SPIDR: variants seen among roughly 807,000 people sequenced by gnomAD.
The protein encoded by SPIDR is scaffold protein involved in DNA repair.
In SPIDR, 93 loss-of-function variants were observed where a neutral mutation model predicts 104.6. The observed-to-expected ratio is 0.89, with a 90% CI of 0.75 to 1.06. SPIDR has a LOEUF of 1.06. Ranked by LOEUF, SPIDR falls within the 50% of genes least tolerant of loss-of-function variation. SPIDR has a pLI of 0.00. For missense variants in SPIDR, 1,154 were observed against 1,111.2 expected (o/e 1.04, Z -0.55); for synonymous variants, 431 against 416.9 (o/e 1.03, Z -0.41).
chr8:47,691,593 T>G (rs1362095781), intron 11 of SPIDR, among the ~76,000 whole-genome samples: 1 of 152,238 alleles, frequency 6.6e-6, no homozygotes, highest in Admixed American at 6.5e-5. Flanking sequence ...AGTATGAAAT[T>G]CACATGGCCA....
At chr8:47,404,904 G>A (rs1192899141) in intron 6 of SPIDR, among the ~76,000 whole-genome samples, 3 of 152,132 alleles carry the variant, frequency 2.0e-5, no homozygotes, top group Admixed American at 1.3e-4. Context: ...ACATTGACAC[G>A]TATGTTTATT....
intron 19 of SPIDR, among the ~76,000 whole-genome samples, chr8:47,730,074 A>C (rs1312272884): frequency 6.6e-6 from 1 of 152,060 alleles, no homozygotes; most frequent in South Asian, 2.1e-4. Context: ...CCTACTGCCA[A>C]GGTGTCATGT....
intron 10 of SPIDR, among the ~76,000 whole-genome samples, chr8:47,621,631 G>C (rs1357482545): frequency 6.6e-6 from 1 of 152,220 alleles, no homozygotes; most frequent in Admixed American, 6.5e-5. Context: ...TGTGAATACA[G>C]GGCCCCCATA....
chr8:47,344,165 G>T (rs1233321902), intron 5 of SPIDR, among the ~76,000 whole-genome samples: 3 of 146,900 alleles, frequency 2.0e-5, no homozygotes, highest in Non-Finnish European at 4.5e-5. Context: ...TCCCCACGCT[G>T]TGTCCAAGTG....
intron 8 of SPIDR, among the ~76,000 whole-genome samples, chr8:47,587,018 C>T (rs1309703061): frequency 6.6e-6 from 1 of 152,156 alleles, no homozygotes; most frequent in Non-Finnish European, 1.5e-5. Flanking sequence ...GATCCGTCAG[C>T]CTTGGCCTCC....
chr8:47,443,291 CG>C lies in SPIDR; in HGVS notation c.1097+2752del, dbSNP rs2154344788. 1.3e-5 allele frequency among the ~76,000 whole-genome samples: 2 copies of C among 152,070 alleles called. 1 individual carries two copies. Among genetic ancestry groups the C allele is most frequent in the South Asian group, 4.2e-4 (2 of 4,814 alleles). ...TAATGCTTAAGAAAATAGAAGAGGCCGGGCGCATTAGTTCACGCCTATAATC... is the reference window on the plus strand; with the variant it reads ...TAATGCTTAAGAAAATAGAAGAGGCCGGCGCATTAGTTCACGCCTATAATC... On this transcript the variant is annotated intron_variant, in intron 8 of 19. Coordinates refer to ENST00000297423, the MANE Select transcript of SPIDR (RefSeq NM_001080394.4).
At chr8:47,307,188 AT>A (rs1184011159) in intron 5 of SPIDR, among the ~76,000 whole-genome samples, 1 of 127,070 alleles carries the variant, frequency 7.9e-6, no homozygotes, top group African/African-American at 2.9e-5. Context: ...TGTTTACTTG[AT>A]TTTTTTCATG....
chr8:47,521,471 C>G (rs960272783), intron 8 of SPIDR, among the ~76,000 whole-genome samples: 7 of 148,078 alleles, frequency 4.7e-5, no homozygotes, highest in South Asian at 4.5e-4. Flanking sequence ...GAGTCTCACT[C>G]TGTCAGCACA....
At chr8:47,625,638 T>C (rs2065944138) in intron 10 of SPIDR, among the ~76,000 whole-genome samples, 1 of 152,082 alleles carries the variant, frequency 6.6e-6, no homozygotes, top group Non-Finnish European at 1.5e-5. Context: ...CCATTCACAA[T>C]TGCTTCAAAG....
chr8:47,735,679 T>C lies in SPIDR; in HGVS notation c.*229T>C, dbSNP rs2086179214. ...TATTTTCTGCAAATTTAGGAACATATTTACTCGTTTTCACATTGAATCTTA... is the reference window on the plus strand; with the variant it reads ...TATTTTCTGCAAATTTAGGAACATACTTACTCGTTTTCACATTGAATCTTA... On this transcript the variant is annotated 3_prime_UTR_variant, in exon 20 of 20. Transcript: ENST00000297423. The C allele has an allele frequency of 1.1e-6, 1 of 939,132 alleles. No homozygotes were observed. Among genetic ancestry groups the C allele is most frequent in the Non-Finnish European group, 1.5e-6 (1 of 652,940 alleles). 58.2% of individuals were successfully genotyped at this position (939,132 alleles called of 1,614,324 possible). A position where few individuals can be genotyped will look rare whatever the true frequency, so the allele number is the denominator to read the frequency against.
At chr8:47,658,141 G>A (rs181337176) in intron 10 of SPIDR, among the ~76,000 whole-genome samples, 3 of 151,788 alleles carry the variant, frequency 2.0e-5, no homozygotes, top group Non-Finnish European at 2.9e-5. Flanking sequence ...CGTCTTGGCC[G>A]GGTGCCGTGG....
chr8:47,330,876 G>A (rs549723375), intron 5 of SPIDR: 2 of 452,952 alleles, frequency 4.4e-6, no homozygotes, highest in East Asian at 7.0e-5. Flanking sequence ...ACCAAGCAGA[G>A]CAACTATTGG....
At chr8:47,721,965 T>C (rs1034976147) in intron 16 of SPIDR, among the ~76,000 whole-genome samples, 12 of 152,098 alleles carry the variant, frequency 7.9e-5, no homozygotes, top group Non-Finnish European at 1.6e-4. Flanking sequence ...GTAGATCAGG[T>C]GGGGAAAAAA....
intron 5 of SPIDR, among the ~76,000 whole-genome samples, chr8:47,303,308 G>A (rs144864016): frequency 6.6e-6 from 1 of 152,198 alleles, no homozygotes; most frequent in Non-Finnish European, 1.5e-5. Flanking sequence ...GCAGTATTAG[G>A]GTTGGAGTGA....
chr8:47,432,178 G>A (rs1340373948), intron 7 of SPIDR, among the ~76,000 whole-genome samples: 1 of 152,204 alleles, frequency 6.6e-6, no homozygotes, highest in East Asian at 1.9e-4. Flanking sequence ...ATTAGGTGTA[G>A]TTGTAACTTC....
intron 10 of SPIDR, among the ~76,000 whole-genome samples, chr8:47,654,403 CT>C (rs527502522): frequency 1.3e-5 from 2 of 152,318 alleles, no homozygotes; most frequent in South Asian, 4.1e-4. Flanking sequence ...AAATAGAGTA[CT>C]TCCAGGTTTT....
intron 8 of SPIDR, among the ~76,000 whole-genome samples, chr8:47,534,841 AAATC>A (rs1005963184): frequency 2.6e-4 from 40 of 152,234 alleles, no homozygotes; most frequent in Non-Finnish European, 4.7e-4. Context: ...AAATTAGAGA[AAATC>A]AACAGAAAAA....
chr8:47,727,425 A>G (rs2084421540), intron 17 of SPIDR, 132 bp downstream of exon 17: 1 of 759,444 alleles, frequency 1.3e-6, no homozygotes, highest in African/African-American at 1.8e-5. Context: ...GCCTCTGCTG[A>G]GCAGCAAGGG....
chr8:47,367,062 G>A (rs2057324325), intron 5 of SPIDR, among the ~76,000 whole-genome samples: 1 of 152,170 alleles, frequency 6.6e-6, no homozygotes, highest in African/African-American at 2.4e-5. Flanking sequence ...AGTTGACTTC[G>A]AGAAGGGAAT....
Sources: gnomAD v4.1 joint callset for allele counts (sites outside exome capture counted in the v4.1 genomes callset) on GRCh38, gnomAD v4.1.1 for gene constraint, MANE v1.5 for transcripts, NCBI Gene and HGNC (gene_info 2026-07-23, HGNC 2026-07-21) for gene names.